Variants in RUSF1 observed in about 807,000 individuals in gnomAD.
RUSF1 encodes the protein RUS1 family protein C16orf58.
Under a neutral mutation model 63.0 loss-of-function variants are expected in RUSF1, and 58 were observed. The ratio of observed to expected loss-of-function variants is 0.92; its 90% CI spans 0.75 to 1.15. The LOEUF is 1.15. Among genes scored for constraint, RUSF1 ranks in the 50% most tolerant of loss-of-function variants. RUSF1 has a pLI of 0.00. For missense variants in RUSF1, 652 were observed against 611.0 expected, an observed-to-expected ratio of 1.07 and a Z score of -0.71; for synonymous variants, 274 against 255.8, an observed-to-expected ratio of 1.07 and a Z score of -0.68.
intron 6 of RUSF1, 23 bp from the exon 7 acceptor site, chr16:31,493,959 G>A (rs1217018589): frequency 6.2e-7 from 1 of 1,611,870 alleles, no homozygotes; most frequent in South Asian, 1.1e-5. Context: ...AGAGGGAGAA[G>A]GAGTTGGAAG....
At chr16:31,501,733 C>A (rs1162502108) in intron 2 of RUSF1, among the ~76,000 whole-genome samples, 1 of 152,154 alleles carries the variant, frequency 6.6e-6, no homozygotes, top group Non-Finnish European at 1.5e-5. Context: ...TTTCTGGCTA[C>A]CTAACTCTCT....
At chr16:31,498,766 C>T (rs894542386) in intron 5 of RUSF1, among the ~76,000 whole-genome samples, 1 of 152,148 alleles carries the variant, frequency 6.6e-6, no homozygotes, top group African/African-American at 2.4e-5. Flanking sequence ...CCGGAACACC[C>T]GCCCTGCACC....
At chr16:31,492,754 C>A (rs2082578830) in intron 10 of RUSF1, among the ~76,000 whole-genome samples, 1 of 152,192 alleles carries the variant, frequency 6.6e-6, no homozygotes, top group African/African-American at 2.4e-5. Flanking sequence ...ATTATTTGAT[C>A]CTCATAAAAA....
chr16:31,499,898 G>T (rs1042665526), intron 3 of RUSF1, among the ~76,000 whole-genome samples: 2 of 151,986 alleles, frequency 1.3e-5, no homozygotes, highest in African/African-American at 4.8e-5. Context: ...GCATGTTTTG[G>T]ACTAGTAAAC....
At chr16:31,494,511 C>T (rs537270339) in intron 6 of RUSF1, among the ~76,000 whole-genome samples, 1 of 150,542 alleles carries the variant, frequency 6.6e-6, no homozygotes, top group Non-Finnish European at 1.5e-5. Flanking sequence ...GCAAGACTGT[C>T]TCCAAAAAAG....
rs770038033 is a variant in RUSF1 at position 31,493,052 on chromosome 16, T to C, written c.1017-4A>G. The C allele has an allele frequency of 6.2e-7, 1 of 1,613,466 alleles. No individual in the cohort carries two copies. Among genetic ancestry groups the C allele is most frequent in the Non-Finnish European group, 8.5e-7 (1 of 1,179,766 alleles). ...CAGCTGCTGCAGCTCAAAGACACTG[T>C]GGGGGAGAGGACAGTGCAGTGGGGG... On this transcript the variant is annotated splice_polypyrimidine_tract_variant and splice_region_variant and intron_variant, in intron 9 of 12. Coordinates refer to ENST00000327237, the MANE Select transcript of RUSF1 (RefSeq NM_022744.4).
intron 6 of RUSF1, among the ~76,000 whole-genome samples, chr16:31,494,370 A>G (rs569083334): frequency 1.6e-4 from 24 of 152,216 alleles, no homozygotes; most frequent in African/African-American, 4.8e-4. Context: ...GTAAAAATAC[A>G]AAAAACTAGC....
At chr16:31,493,290 G>T in intron 9 of RUSF1, 177 bp downstream of exon 9, 1 of 943,128 alleles carries the variant, frequency 1.1e-6, no homozygotes, top group Non-Finnish European at 1.7e-6. Context: ...TCTTACATCT[G>T]CTTCATGTTA....
At position 31,493,290 on chromosome 16, in the gene RUSF1, G is replaced by A. The variant is rs983055723; in HGVS notation, c.1016+177C>T. 6 of 943,128 alleles carry A rather than the reference G, an allele frequency of 6.4e-6. No individual in the cohort carries two copies. The Admixed American group carries it at 8.0e-5, about 13-fold the overall frequency. The allele number at this position is 943,128 out of a possible 1,614,324, so 58.4% of individuals were successfully genotyped here. ...CCCATCAAGCACATCTCTTACATCTGCTTCATGTTATACACCCTTTCCTTC... is the reference window on the plus strand; with the variant it reads ...CCCATCAAGCACATCTCTTACATCTACTTCATGTTATACACCCTTTCCTTC... On this transcript the variant is annotated intron_variant, in intron 9 of 12. Coordinates refer to ENST00000327237, the MANE Select transcript of RUSF1 (RefSeq NM_022744.4).
At chr16:31,507,510 G>GA (rs2082666179) in intron 2 of RUSF1, among the ~76,000 whole-genome samples, 1 of 152,166 alleles carries the variant, frequency 6.6e-6, no homozygotes, top group Non-Finnish European at 1.5e-5. Context: ...GGAGGGGACG[G>GA]GATTTGGGAT....
rs574221956 is a variant in RUSF1 at position 31,496,984 on chromosome 16, G to A, written c.601-34C>T. The A allele has an allele frequency of 5.0e-5, 77 of 1,533,742 alleles. 3 individuals carry two copies. The South Asian group carries it at 6.2e-4, about 12-fold the overall frequency. ...GAGGGGAAGAGAGAAGGTTGGCAGA[G>A]ACACGTGTCCTGGTAACACAGGCAC... On this transcript the variant is annotated intron_variant, in intron 5 of 12. Transcript: ENST00000327237.
In RUSF1 at chr16:31,489,858, C is replaced by T. The variant is rs2082545102; in HGVS notation, c.*977G>A. On this transcript the variant is annotated 3_prime_UTR_variant, in exon 13 of 13. Coordinates refer to ENST00000327237, the MANE Select transcript of RUSF1 (RefSeq NM_022744.4). ...GCGCTACCATCTGGGTGTAGACAGA[C>T]CTGAGCTGACAAAGCTGGGGGAGCA... is the stretch of plus-strand genomic sequence containing the variant. 2 of 540,786 alleles carry T rather than the reference C, an allele frequency of 3.7e-6. No individual in the cohort carries two copies. Among genetic ancestry groups the T allele is most frequent in the East Asian group, 3.5e-5 (1 of 28,178 alleles). The allele number at this position is 540,786 out of a possible 1,614,324, so 33.5% of individuals were successfully genotyped here. A position where few individuals can be genotyped will look rare whatever the true frequency, so the allele number is the denominator to read the frequency against.
Position 31,490,696 on chromosome 16 carries a change from A to G in RUSF1, c.*139T>C. The G allele has an allele frequency of 1.8e-6, 2 of 1,129,706 alleles. No individual in the cohort carries two copies. Among genetic ancestry groups the G allele is most frequent in the Admixed American group, 1.9e-5 (1 of 53,116 alleles). 70.0% of individuals were successfully genotyped at this position (1,129,706 alleles called of 1,614,324 possible). On this transcript the variant is annotated 3_prime_UTR_variant, in exon 13 of 13. Transcript: ENST00000327237. The stretch of plus-strand genomic sequence containing the variant: ...CTGGGGCCCACTGCATCTGATTGGC[A>G]GTCACTTCCCATGAGGGCCTGGCCC...
chr16:31,506,899 A>T (rs1409909226), intron 2 of RUSF1, among the ~76,000 whole-genome samples: 1 of 152,142 alleles, frequency 6.6e-6, no homozygotes. Flanking sequence ...CAGTTTTCTC[A>T]GTCTTAATGG....
Position 31,508,298 on chromosome 16 carries a change from C to A in RUSF1, c.76G>T (p.Ala26Ser), listed in dbSNP as rs1324122514. 2.5e-6 allele frequency: 4 copies of A among 1,576,116 alleles called. No individual in the cohort carries two copies. Among genetic ancestry groups the A allele is most frequent in the Non-Finnish European group, 3.4e-6 (4 of 1,163,366 alleles). Residue 26 changes from alanine (A) to serine (S), a missense_variant, in exon 1 of 13, where the codon GCC becomes TCC. By Grantham distance (99) the Ala-to-Ser change is moderately conservative (BLOSUM62 1). Coordinates refer to ENST00000327237, the MANE Select transcript of RUSF1 (RefSeq NM_022744.4). ...FGSGEARGCRAAADGSLQWEV... is the reference protein window; with the variant it reads ...FGSGEARGCRSAADGSLQWEV... ...CACTGCAGGCTCCCGTCCGCGGCGGCGCGGCAGCCCCGTGCCTCCCCGGAG... is the reference window on the plus strand; with the variant it reads ...CACTGCAGGCTCCCGTCCGCGGCGGAGCGGCAGCCCCGTGCCTCCCCGGAG...
chr16:31,491,963 G>A, intron 12 of RUSF1, 46 bp downstream of exon 12: 1 of 1,603,302 alleles, frequency 6.2e-7, no homozygotes, highest in Non-Finnish European at 8.5e-7. Context: ...GGGCCCCCAG[G>A]GACAAGGCTT....
intron 1 of RUSF1, 33 bp from the exon 2 acceptor site, chr16:31,507,911 G>A (rs749672645): frequency 4.5e-6 from 7 of 1,548,040 alleles, no homozygotes; most frequent in East Asian, 2.4e-5. Flanking sequence ...TGAGAAGCGG[G>A]CGTAGGAGCG....
At chr16:31,501,502 G>A (rs569161748) in intron 2 of RUSF1, among the ~76,000 whole-genome samples, 3 of 151,952 alleles carry the variant, frequency 2.0e-5, no homozygotes, top group East Asian at 3.9e-4. Flanking sequence ...AGGCTGAGGC[G>A]GAAGGATGGC....
At chr16:31,498,947 G>A (rs1423713086) in intron 5 of RUSF1, among the ~76,000 whole-genome samples, 1 of 152,128 alleles carries the variant, frequency 6.6e-6, no homozygotes, top group East Asian at 1.9e-4. Context: ...TTTCAAAGAC[G>A]GGGGCCCACA....
Sources: gnomAD v4.1 joint callset for allele counts (sites outside exome capture counted in the v4.1 genomes callset) on GRCh38, gnomAD v4.1.1 for gene constraint, MANE v1.5 for transcripts, NCBI Gene and HGNC (gene_info 2026-07-23, HGNC 2026-07-21) for gene names.